The following PCDH7 variants were observed in gnomAD, a reference collection of about 807,000 sequenced individuals.
PCDH7 encodes the protein protocadherin 7.
In PCDH7, 17 loss-of-function variants were observed where a neutral mutation model predicts 58.9. That is an observed-to-expected ratio of 0.29 (90% CI 0.20 to 0.43). The LOEUF (loss-of-function observed/expected upper bound fraction) is 0.43, where lower values mean the gene tolerates loss of function less well. PCDH7 is among the 20% of genes least tolerant of loss of function. The probability of loss-of-function intolerance (pLI) is 1.00; values close to 1 mark genes in which losing one functional copy is unlikely to be tolerated. For missense variants in PCDH7, 1,274 were observed against 1,441.0 expected (o/e 0.88, Z 1.88); for synonymous variants, 664 against 616.4 (o/e 1.08, Z -1.14).
chr4:30,964,345 C>T (rs1275566368), intron 3 of PCDH7, among the ~76,000 whole-genome samples: 3 of 151,582 alleles, frequency 2.0e-5, no homozygotes, highest in South Asian at 2.1e-4. Flanking sequence ...GGGTTCACGA[C>T]ATTATCCTGC....
At chr4:30,833,396 G>T (rs1168892821) in intron 1 of PCDH7, among the ~76,000 whole-genome samples, 1 of 152,108 alleles carries the variant, frequency 6.6e-6, no homozygotes, top group Non-Finnish European at 1.5e-5. Context: ...GCAGTGGCTG[G>T]TCATGGGAGT....
chr4:30,803,210 A>G (rs575729226), intron 1 of PCDH7, among the ~76,000 whole-genome samples: 2 of 152,264 alleles, frequency 1.3e-5, no homozygotes, highest in South Asian at 4.1e-4. Flanking sequence ...AATTTTAGAT[A>G]TTACAGTAGA....
At chr4:30,776,853 T>G (rs11721555) in intron 1 of PCDH7, among the ~76,000 whole-genome samples, 48,752 of 125,912 alleles carry the variant, frequency 0.39, 8,292 homozygotes, top group African/African-American at 0.49. Flanking sequence ...ATAATTTTGA[T>G]ATGTGGTGTG....
intron 1 of PCDH7, among the ~76,000 whole-genome samples, chr4:30,770,202 T>C (rs1054016683): frequency 3.3e-5 from 5 of 152,200 alleles, no homozygotes; most frequent in Non-Finnish European, 7.3e-5. Flanking sequence ...TTTCATGCTC[T>C]ATTTTCAAAC....
At chr4:31,144,782 T>G (rs147133172), downstream of PCDH7, 3 of 152,210 alleles carry the variant, frequency 2.0e-5, no homozygotes, top group Non-Finnish European at 4.4e-5. Context: ...GTATAATAGG[T>G]AGGATGCAAA....
Position 30,721,446 on chromosome 4 carries a change from A to T in PCDH7, c.24A>T (p.Gly8=), listed in dbSNP as rs1461436198. 6.5e-7 allele frequency: 1 copy of T among 1,537,644 alleles called. No individual in the cohort carries two copies. The highest frequency in any genetic ancestry group is 1.4e-5 in the African/African-American group (1 of 73,674). Reference sequence around the variant, plus strand: ...AGATGCTGAGGATGCGGACCGCGGGATGGGCGCGCGGCTGGTGCTTGGGCT... The same window carrying T: ...AGATGCTGAGGATGCGGACCGCGGGTTGGGCGCGCGGCTGGTGCTTGGGCT... Residue 8 remains glycine, a synonymous_variant, in exon 1 of 2, where the codon GGA becomes GGT. Coordinates refer to ENST00000361762, the Ensembl canonical transcript of PCDH7. This position sits in a 1 kb window ranked among gnomAD's most constrained non-coding sequence, Gnocchi z 6.7.
intron 3 of PCDH7, among the ~76,000 whole-genome samples, chr4:30,983,431 C>T (rs143786332): frequency 3.9e-5 from 6 of 152,222 alleles, no homozygotes; most frequent in Non-Finnish European, 4.4e-5. Context: ...AGTCACTGCA[C>T]GGGTCAGCAT....
In PCDH7 at chr4:31,001,201, A is replaced by G. The variant is rs182267197; in HGVS notation, c.*7+50986A>G. On this transcript the variant is annotated intron_variant, in intron 3 of 3. Transcript: ENST00000509759. Reference sequence around the variant, plus strand: ...GTCCATGGCTTGACTCATGTACCCTAATTAAAAAATATTAGGTAAAGTCAT... The same window carrying G: ...GTCCATGGCTTGACTCATGTACCCTGATTAAAAAATATTAGGTAAAGTCAT... Among the ~76,000 whole-genome samples the G allele has an allele frequency of 6.6e-5, 10 of 152,148 alleles. No homozygotes were observed. In the East Asian group the frequency reaches 1.9e-3, roughly 29 times the overall value.
chr4:30,910,846 G>A (rs919308999), intron 1 of PCDH7, among the ~76,000 whole-genome samples: 11 of 152,106 alleles, frequency 7.2e-5, no homozygotes, highest in African/African-American at 2.7e-4. Context: ...CTACTATAAA[G>A]ACACATGCAC....
intron 1 of PCDH7, among the ~76,000 whole-genome samples, chr4:30,919,217 T>C (rs1426699040): frequency 1.8e-5 from 2 of 111,666 alleles, no homozygotes; most frequent in Non-Finnish European, 3.5e-5. Context: ...AGAACATTTT[T>C]ATATGTTTTT....
intron 1 of PCDH7, chr4:30,730,699 A>G: frequency 1.4e-6 from 2 of 1,417,976 alleles, no homozygotes; most frequent in Non-Finnish European, 9.7e-7. Context: ...ACTGGGGAAA[A>G]TTTCTTTATC....
chr4:30,726,483 A>T (rs1714630929), intron 1 of PCDH7, among the ~76,000 whole-genome samples: 1 of 152,022 alleles, frequency 6.6e-6, no homozygotes, highest in African/African-American at 2.4e-5. Context: ...GGCTCATCAG[A>T]TGAGGTTAGC....
chr4:30,891,299 G>C (rs1371658970), intron 1 of PCDH7, among the ~76,000 whole-genome samples: 1 of 152,086 alleles, frequency 6.6e-6, no homozygotes, highest in Non-Finnish European at 1.5e-5. Flanking sequence ...AAGCAAATGA[G>C]AGTAAGAGCT....
rs534183546 is a variant in PCDH7 at position 30,769,272 on chromosome 4, C to A, written c.70+44676C>A. 4.6e-5 allele frequency among the ~76,000 whole-genome samples: 7 copies of A among 152,286 alleles called. No homozygotes were observed. In the South Asian group the frequency reaches 1.4e-3, roughly 32 times the overall value. On this transcript the variant is annotated intron_variant, in intron 1 of 3. Transcript: ENST00000509759. The stretch of plus-strand genomic sequence containing the variant: ...GAGCCACATCTGCCTCCAGCTCCTG[C>A]TGACTTGGCTGCACCGCAGCCCCCT...
At chr4:30,888,923 G>A (rs894296266) in intron 1 of PCDH7, among the ~76,000 whole-genome samples, 2 of 152,014 alleles carry the variant, frequency 1.3e-5, no homozygotes, top group Non-Finnish European at 2.9e-5. Context: ...GCTCATGCCT[G>A]TAATTCCAGC....
At chr4:30,889,047 G>T (rs1399527832) in intron 1 of PCDH7, among the ~76,000 whole-genome samples, 1 of 150,664 alleles carries the variant, frequency 6.6e-6, no homozygotes, top group Non-Finnish European at 1.5e-5. Context: ...CAGGCTTGGC[G>T]GTGCATGCCT....
intron 1 of PCDH7, among the ~76,000 whole-genome samples, chr4:30,811,961 G>A (rs1330399932): frequency 6.6e-6 from 1 of 152,154 alleles, no homozygotes; most frequent in Admixed American, 6.5e-5. Context: ...GAAAGTATAG[G>A]ATGAGTTAAT....
intron 2 of PCDH7, among the ~76,000 whole-genome samples, chr4:30,943,979 A>G (rs142285836): frequency 0.015 from 2,284 of 152,190 alleles, 29 homozygotes; most frequent in Non-Finnish European, 0.021. Context: ...TTCTTGCTCC[A>G]GTGTGGCCTC....
At chr4:30,934,266 G>A (rs1312369209) in intron 2 of PCDH7, among the ~76,000 whole-genome samples, 1 of 107,160 alleles carries the variant, frequency 9.3e-6, no homozygotes, top group Non-Finnish European at 2.0e-5. Flanking sequence ...CCGGGATCAA[G>A]TAGCTATCAA....
Sources: allele counts gnomAD v4.1 joint callset (sites outside exome capture counted in the v4.1 genomes callset), GRCh38; gene constraint gnomAD v4.1.1; non-coding constraint Gnocchi (gnomAD v3.1); transcripts MANE v1.5; gene names NCBI Gene and HGNC (gene_info 2026-07-23, HGNC 2026-07-21).